Variants in NSUN6 observed in about 807,000 individuals in gnomAD.
NSUN6 encodes the protein tRNA (cytosine(72)-C(5))-methyltransferase NSUN6.
A neutral mutation model predicts 58.0 loss-of-function variants in NSUN6; 64 were observed. That is an observed-to-expected ratio of 1.10 (90% CI 0.90 to 1.36). NSUN6 has a LOEUF of 1.36. NSUN6 is among the 40% of genes most tolerant of loss of function. The probability of loss-of-function intolerance (pLI) is 0.00; values close to 1 mark genes in which losing one functional copy is unlikely to be tolerated. For synonymous variants in NSUN6, 231 were observed against 193.9 expected, an observed-to-expected ratio of 1.19 and a Z score of -1.59; for missense variants, 701 against 550.1, an observed-to-expected ratio of 1.27 and a Z score of -2.74.
intron 3 of NSUN6, among the ~76,000 whole-genome samples, chr10:18,623,128 G>A (rs1359153181): frequency 6.6e-6 from 1 of 152,082 alleles, no homozygotes; most frequent in Non-Finnish European, 1.5e-5. Flanking sequence ...ACTGAAGAAA[G>A]CAAAATTTTA....
intron 3 of NSUN6, among the ~76,000 whole-genome samples, chr10:18,635,958 T>G (rs562288206): frequency 6.6e-6 from 1 of 150,852 alleles, no homozygotes; most frequent in Non-Finnish European, 1.5e-5. Flanking sequence ...TCCACAGATC[T>G]CCAAGCAGAA....
intron 7 of NSUN6, among the ~76,000 whole-genome samples, chr10:18,595,678 T>C (rs2057557055): frequency 1.3e-5 from 2 of 152,220 alleles, no homozygotes; most frequent in Non-Finnish European, 2.9e-5. Flanking sequence ...AAACAACAAA[T>C]ATCCTTTTCT....
upstream of NSUN6, chr10:18,658,547 T>G (rs10829148): frequency 0.34 from 93,058 of 272,974 alleles, 16,664 homozygotes; most frequent in East Asian, 0.71. Flanking sequence ...AATTGGCTTA[T>G]GCGTGGACTT....
intron 3 of NSUN6, among the ~76,000 whole-genome samples, chr10:18,637,648 A>T (rs770995380): frequency 6.6e-5 from 10 of 152,254 alleles, no homozygotes; most frequent in Non-Finnish European, 1.3e-4. Flanking sequence ...TTCTGCAGAC[A>T]TGCTTATGCA....
chr10:18,627,286 T>C (rs557438076), intron 3 of NSUN6, among the ~76,000 whole-genome samples: 3 of 152,326 alleles, frequency 2.0e-5, no homozygotes, highest in Non-Finnish European at 4.4e-5. Flanking sequence ...GTATATAAAG[T>C]TTAACTGATT....
intron 8 of NSUN6, among the ~76,000 whole-genome samples, chr10:18,559,482 A>AGAATGGAATG (rs558249352): frequency 6.7e-6 from 1 of 149,856 alleles, no homozygotes; most frequent in Non-Finnish European, 1.5e-5. Context: ...AATCGAATGG[A>AGAATGGAATG]GAATGGAATG....
upstream of NSUN6, chr10:18,653,132 T>C (rs543658724): frequency 1.0e-6 from 1 of 984,630 alleles, no homozygotes; most frequent in Non-Finnish European, 1.2e-6. Context: ...CTAGAATCTG[T>C]ATTTTAGCGA....
At chr10:18,639,310 T>A (rs1217584677) in intron 3 of NSUN6, among the ~76,000 whole-genome samples, 1 of 152,072 alleles carries the variant, frequency 6.6e-6, no homozygotes, top group African/African-American at 2.4e-5. Flanking sequence ...CTGGCCAATA[T>A]GGTGAAACAC....
At chr10:18,571,937 C>T (rs1308323956) in intron 8 of NSUN6, among the ~76,000 whole-genome samples, 2 of 151,050 alleles carry the variant, frequency 1.3e-5, no homozygotes, top group Non-Finnish European at 3.0e-5. Flanking sequence ...CCATTCCATT[C>T]TCCATTCCAT....
intron 6 of NSUN6, among the ~76,000 whole-genome samples, chr10:18,603,468 C>CTTTTTTTTTTTT (rs1465029374): frequency 1.3e-5 from 2 of 149,610 alleles, no homozygotes; most frequent in African/African-American, 4.9e-5. Context: ...TTTTTCTTTT[C>CTTTTTTTTTTTT]TTTTCTTTTC....
intron 8 of NSUN6, among the ~76,000 whole-genome samples, chr10:18,575,025 A>G (rs1251633510): frequency 1.3e-5 from 2 of 152,106 alleles, no homozygotes; most frequent in Non-Finnish European, 2.9e-5. Context: ...TCTTCCATCA[A>G]AAAGGAAAAA....
At chr10:18,622,221 AG>A (rs1214733984) in intron 3 of NSUN6, among the ~76,000 whole-genome samples, 1 of 152,190 alleles carries the variant, frequency 6.6e-6, no homozygotes, top group Non-Finnish European at 1.5e-5. Context: ...AAATGGGATC[AG>A]TGCCTTTATA....
intron 6 of NSUN6, 135 bp downstream of exon 6, chr10:18,609,710 G>C: frequency 2.1e-6 from 1 of 485,908 alleles, no homozygotes; most frequent in Non-Finnish European, 3.7e-6. Flanking sequence ...TTTTCTTACT[G>C]CTTAACCAAA....
intron 4 of NSUN6, among the ~76,000 whole-genome samples, chr10:18,614,823 A>C (rs763099482): frequency 6.6e-6 from 1 of 152,102 alleles, no homozygotes; most frequent in African/African-American, 2.4e-5. Flanking sequence ...AATCTTTTTC[A>C]GTGAAAACAA....
At chr10:18,618,411 G>C (rs532591639) in intron 3 of NSUN6, among the ~76,000 whole-genome samples, 2 of 152,114 alleles carry the variant, frequency 1.3e-5, no homozygotes, top group African/African-American at 4.8e-5. Flanking sequence ...GTCAGGTGCA[G>C]TGGCTCACAC....
chr10:18,632,210 A>T (rs1242612517), intron 3 of NSUN6, among the ~76,000 whole-genome samples: 1 of 152,080 alleles, frequency 6.6e-6, no homozygotes, highest in African/African-American at 2.4e-5. Context: ...ATATGTAGAA[A>T]GCTGAAACTG....
At chr10:18,600,192 T>C (rs1391569922) in intron 6 of NSUN6, among the ~76,000 whole-genome samples, 1 of 151,886 alleles carries the variant, frequency 6.6e-6, no homozygotes, top group Admixed American at 6.6e-5. Flanking sequence ...GGGATAACAG[T>C]TTTCCAGGAA....
chr10:18,613,724 C>T (rs930548913), intron 5 of NSUN6, among the ~76,000 whole-genome samples: 9 of 152,080 alleles, frequency 5.9e-5, no homozygotes, highest in Admixed American at 3.9e-4. Context: ...TTCAGAAGAA[C>T]GAATGAATTT....
upstream of NSUN6, chr10:18,651,621 G>A (rs1320272297): frequency 1.5e-5 from 15 of 986,354 alleles, no homozygotes; most frequent in Non-Finnish European, 1.6e-5. Context: ...TTTCTCGGCG[G>A]AAAGTCGCTT....
Sources: gnomAD v4.1 joint callset for allele counts (sites outside exome capture counted in the v4.1 genomes callset) on GRCh38, gnomAD v4.1.1 for gene constraint, MANE v1.5 for transcripts, NCBI Gene and HGNC (gene_info 2026-07-23, HGNC 2026-07-21) for gene names.